The following ENPP3 variants were observed in gnomAD, a reference collection of about 807,000 sequenced individuals.
ENPP3 encodes ectonucleotide pyrophosphatase/phosphodiesterase 3.
In ENPP3, 104 loss-of-function variants were observed where a neutral mutation model predicts 117.8. The ratio of observed to expected loss-of-function variants is 0.88; its 90% CI spans 0.75 to 1.04. The LOEUF (loss-of-function observed/expected upper bound fraction) is 1.04. Among genes scored for constraint, ENPP3 ranks in the 50% least tolerant of loss-of-function variants. The probability of loss-of-function intolerance (pLI) is 0.00; values close to 1 mark genes in which losing one functional copy is unlikely to be tolerated. For synonymous variants in ENPP3, 380 were observed against 349.9 expected, an observed-to-expected ratio of 1.09 and a Z score of -0.96; for missense variants, 1,026 against 1,051.9, an observed-to-expected ratio of 0.98 and a Z score of 0.34.
chr6:131,730,722 C>G (rs532556718), intron 20 of ENPP3, among the ~76,000 whole-genome samples: 10 of 152,232 alleles, frequency 6.6e-5, no homozygotes, highest in Non-Finnish European at 1.0e-4. Flanking sequence ...TGAGACCAGC[C>G]TGGCCAACAT....
At chr6:131,685,599 A>C in intron 13 of ENPP3, 104 bp downstream of exon 13, 2 of 1,109,220 alleles carry the variant, frequency 1.8e-6, no homozygotes, top group Non-Finnish European at 2.6e-6. Flanking sequence ...CCCTCTACTG[A>C]CTTCTTGAGA....
At chr6:131,638,340 TTATTCTCA>T in intron 1 of ENPP3, 1 of 242,236 alleles carries the variant, frequency 4.1e-6, no homozygotes, top group Non-Finnish European at 8.4e-6. Flanking sequence ...CAATTTATCT[TTATTCTCA>T]TGAAAATTAC....
chr6:131,639,463 A>G (rs1777999344), intron 1 of ENPP3, among the ~76,000 whole-genome samples: 2 of 151,914 alleles, frequency 1.3e-5, no homozygotes, highest in Admixed American at 1.3e-4. Flanking sequence ...TTATCAATTC[A>G]GGAAATTATA....
At chr6:131,684,854 G>A (rs567716366) in intron 12 of ENPP3, among the ~76,000 whole-genome samples, 3 of 151,988 alleles carry the variant, frequency 2.0e-5, no homozygotes, top group South Asian at 4.2e-4. Context: ...GCACAATCTC[G>A]GCTCACTGCA....
At position 131,685,485 on chromosome 6, in the gene ENPP3, C is replaced by T. The variant is rs775417268; in HGVS notation, c.1242C>T (p.Asp414=). 3 of 1,613,276 alleles carry T rather than the reference C, an allele frequency of 1.9e-6. No homozygotes were observed. The African/African-American group carries it at 4.0e-5, about 22-fold the overall frequency. Residue 414 remains aspartate (D), a synonymous_variant, in exon 13 of 25, where the codon GAC becomes GAT. Coordinates refer to ENST00000357639, the MANE Select transcript of ENPP3 (RefSeq NM_005021.5). ...PRIRAHNIPH[D]FFSFNSEEIV... ...TCCGAGCTCATAATATACCTCATGA[C>T]TTTTTTAGTTGTAAGTATGAAGACA...
At chr6:131,654,406 G>T (rs1340568773) in intron 5 of ENPP3, among the ~76,000 whole-genome samples, 1 of 152,024 alleles carries the variant, frequency 6.6e-6, no homozygotes, top group East Asian at 1.9e-4. Context: ...TTCCCAAAAT[G>T]GTGGGATAAC....
At chr6:131,658,733 C>T (rs6569753) in intron 6 of ENPP3, among the ~76,000 whole-genome samples, 46,927 of 152,146 alleles carry the variant, frequency 0.31, 12,355 homozygotes, top group African/African-American at 0.71. Flanking sequence ...TTGTCAGACC[C>T]AGGTTCTGGG....
At chr6:131,687,809 T>C (rs1440877254) in intron 14 of ENPP3, among the ~76,000 whole-genome samples, 1 of 152,202 alleles carries the variant, frequency 6.6e-6, no homozygotes, top group Non-Finnish European at 1.5e-5. Flanking sequence ...ATAGTTTTTA[T>C]AGTTATATAT....
intron 7 of ENPP3, among the ~76,000 whole-genome samples, chr6:131,672,300 C>A (rs1448353543): frequency 6.6e-6 from 1 of 152,098 alleles, no homozygotes; most frequent in Non-Finnish European, 1.5e-5. Flanking sequence ...TTTTTATATT[C>A]TCATGCTTTT....
At chr6:131,691,028 A>G (rs1050968911) in intron 14 of ENPP3, among the ~76,000 whole-genome samples, 5 of 152,122 alleles carry the variant, frequency 3.3e-5, no homozygotes, top group African/African-American at 4.8e-5. Flanking sequence ...GGGATTGAGT[A>G]TCACAGTCTT....
chr6:131,705,926 G>A (rs1769257078), intron 15 of ENPP3, among the ~76,000 whole-genome samples: 1 of 136,350 alleles, frequency 7.3e-6, no homozygotes, highest in Non-Finnish European at 1.5e-5. Flanking sequence ...TTGTGGGATT[G>A]CTGCTGTAAA....
intron 2 of ENPP3, among the ~76,000 whole-genome samples, chr6:131,647,048 A>G (rs1466229046): frequency 1.5e-5 from 2 of 131,106 alleles, no homozygotes; most frequent in Non-Finnish European, 1.6e-5. Flanking sequence ...TAATTTTTGT[A>G]TGCTTTGTAG....
rs1562446616 is a variant in ENPP3, at chr6:131,678,962, C to CTTTCTTTCTTTCTTTCT, written c.1011+1024_1011+1025insTCTTTCTTTCTTTCTTT. The stretch of plus-strand genomic sequence containing the variant: ...CTTTCTTTCTTTCTTTCTTTCTTTC[C>CTTTCTTTCTTTCTTTCT]TTCCTTCCTTCCTTCCTTCCTTCCT... On this transcript the variant is annotated intron_variant, in intron 11 of 24. Coordinates refer to ENST00000357639, the MANE Select transcript of ENPP3 (RefSeq NM_005021.5). Among the ~76,000 whole-genome samples, 13 of 41,324 alleles carry CTTTCTTTCTTTCTTTCT rather than the reference C, an allele frequency of 3.1e-4. No homozygotes were observed. The East Asian group carries it at 4.1e-3, about 13-fold the overall frequency. 27.1% of individuals were successfully genotyped at this position (41,324 alleles called of 152,430 possible). A position where few individuals can be genotyped will look rare whatever the true frequency, so the allele number is the denominator to read the frequency against.
At chr6:131,745,343 C>A (rs918076410) in intron 24 of ENPP3, among the ~76,000 whole-genome samples, 1 of 151,780 alleles carries the variant, frequency 6.6e-6, no homozygotes, top group Non-Finnish European at 1.5e-5. Flanking sequence ...AGTATTTCCT[C>A]TTACTCTTCC....
chr6:131,673,789 T>C (rs1195700560), intron 7 of ENPP3, among the ~76,000 whole-genome samples: 1 of 152,180 alleles, frequency 6.6e-6, no homozygotes. Flanking sequence ...GACTTTTTTT[T>C]GTCACTATTC....
chr6:131,741,092 A>C (rs1399502461), intron 24 of ENPP3, among the ~76,000 whole-genome samples: 1 of 152,172 alleles, frequency 6.6e-6, no homozygotes, highest in East Asian at 1.9e-4. Flanking sequence ...TTTAAACATC[A>C]TTATTAGGCT....
chr6:131,699,235 C>CAAAAAAAAAAAAAAA (rs4053087), intron 15 of ENPP3, among the ~76,000 whole-genome samples: 10 of 107,948 alleles, frequency 9.3e-5, no homozygotes, highest in African/African-American at 3.1e-4. Flanking sequence ...AAGACTGTCT[C>CAAAAAAAAAAAAAAA]AAAAAAAAAA....
chr6:131,728,334 G>C (rs1001637009), intron 20 of ENPP3, among the ~76,000 whole-genome samples: 1 of 152,194 alleles, frequency 6.6e-6, no homozygotes, highest in Non-Finnish European at 1.5e-5. Flanking sequence ...TTCCCCTGCT[G>C]TCTTGCATTC....
intron 20 of ENPP3, among the ~76,000 whole-genome samples, chr6:131,728,121 A>G (rs1780197033): frequency 6.6e-6 from 1 of 152,188 alleles, no homozygotes; most frequent in Non-Finnish European, 1.5e-5. Flanking sequence ...GGTTGGTGCA[A>G]CATTACTTTC....
Sources: allele counts gnomAD v4.1 joint callset (sites outside exome capture counted in the v4.1 genomes callset), GRCh38; gene constraint gnomAD v4.1.1; transcripts MANE v1.5; gene names NCBI Gene and HGNC (gene_info 2026-07-23, HGNC 2026-07-21).